Variants in SLC29A4 observed in about 807,000 individuals in gnomAD.
SLC29A4 encodes solute carrier family 29 member 4.
A neutral mutation model predicts 43.9 loss-of-function variants in SLC29A4; 36 were observed. The ratio of observed to expected loss-of-function variants is 0.82; its 90% CI spans 0.63 to 1.08. The LOEUF is 1.08. Among genes scored for constraint, SLC29A4 ranks in the 50% least tolerant of loss-of-function variants. SLC29A4 has a pLI of 0.00. For missense variants in SLC29A4, 869 were observed against 755.3 expected (o/e 1.15, Z -1.77); for synonymous variants, 491 against 338.0 (o/e 1.45, Z -4.97).
intron 1 of SLC29A4, among the ~76,000 whole-genome samples, chr7:5,286,365 A>G (rs1016108993): frequency 6.6e-6 from 1 of 151,996 alleles, no homozygotes; most frequent in Non-Finnish European, 1.5e-5. Context: ...TCTACTAAAA[A>G]TACAAAAATT....
At chr7:5,289,181 G>C (rs967894768) in intron 2 of SLC29A4, among the ~76,000 whole-genome samples, 9 of 152,132 alleles carry the variant, frequency 5.9e-5, no homozygotes, top group African/African-American at 2.2e-4. Flanking sequence ...AGGAACACTT[G>C]AGCCCAGGAG....
chr7:5,300,599 T>C lies in SLC29A4; in HGVS notation c.1387T>C (p.Phe463Leu). The change falls in exon 10 of 11, where the codon TTC becomes CTC. Residue 463 changes from phenylalanine to leucine, a missense_variant. Phe to Leu is a conservative substitution (Grantham distance 22, BLOSUM62 0). Transcript: ENST00000396872. Reference protein sequence around the residue: ...SLLMGISNGYFGSVPMILAAG... With the variant: ...SLLMGISNGYLGSVPMILAAG... ...GCTCATGGGCATCAGCAACGGCTACTTCGGCAGCGTGCCCATGATCCTGGC... is the reference window on the plus strand; with the variant it reads ...GCTCATGGGCATCAGCAACGGCTACCTCGGCAGCGTGCCCATGATCCTGGC... The C allele has an allele frequency of 6.2e-7, 1 of 1,611,006 alleles. No individual in the cohort carries two copies.
At chr7:5,302,194 G>T (rs1786219020) in intron 10 of SLC29A4, among the ~76,000 whole-genome samples, 1 of 152,056 alleles carries the variant, frequency 6.6e-6, no homozygotes, top group East Asian at 1.9e-4. Context: ...CAGGTGATCT[G>T]CCTGCCTCAG....
At chr7:5,293,104 A>G (rs1247950945) in intron 5 of SLC29A4, among the ~76,000 whole-genome samples, 1 of 146,444 alleles carries the variant, frequency 6.8e-6, no homozygotes, top group South Asian at 2.1e-4. Flanking sequence ...CCTGTGTTTC[A>G]TGGTAGTGAC....
chr7:5,286,795 G>T (rs911219144), intron 1 of SLC29A4, among the ~76,000 whole-genome samples: 1 of 152,162 alleles, frequency 6.6e-6, no homozygotes, highest in African/African-American at 2.4e-5. Flanking sequence ...GTTGAGATCT[G>T]GGTTCTCCCA....
At position 5,304,054 on chromosome 7, in the gene SLC29A4, C is replaced by T. The variant is rs1462701046; in HGVS notation, c.*1115C>T. On this transcript the variant is annotated 3_prime_UTR_variant, in exon 11 of 11. Coordinates refer to ENST00000396872, the MANE Select transcript of SLC29A4 (RefSeq NM_153247.4). ...CGGCCATTAAAAGATGAAGGCAGAC[C>T]GCTGCACCGCCGCCTGCAAGCAGAG... The T allele has an allele frequency of 2.6e-5, 4 of 152,372 alleles. No individual in the cohort carries two copies. Among genetic ancestry groups the T allele is most frequent in the Admixed American group, 1.3e-4 (2 of 15,290 alleles). The allele number at this position is 152,372 out of a possible 1,614,324, so 9.4% of individuals were successfully genotyped here.
At chr7:5,300,139 G>A (rs1786034628) in intron 9 of SLC29A4, among the ~76,000 whole-genome samples, 1 of 152,206 alleles carries the variant, frequency 6.6e-6, no homozygotes, top group South Asian at 2.1e-4. Flanking sequence ...GGCTGAGGTG[G>A]GAGGATGGCT....
intron 7 of SLC29A4, among the ~76,000 whole-genome samples, chr7:5,298,487 G>C (rs1785872807): frequency 6.6e-6 from 1 of 152,112 alleles, no homozygotes; most frequent in African/African-American, 2.4e-5. Flanking sequence ...GATGGAATTT[G>C]CTGCATCAGA....
rs767387155 is a variant in SLC29A4 at position 5,299,096 on chromosome 7, A to G, written c.991A>G (p.Arg331Gly). ...CATGCGCTTTGATGTGCCGCGGCCA[A>G]GGGTCCAGCGCAGCTGGCCCACCTT... ...AYMRFDVPRP[R>G]VQRSWPTFRA... Residue 331 changes from arginine (R) to glycine (G), a missense_variant, in exon 8 of 11, where the codon AGG becomes GGG. Transcript: ENST00000396872. 9 of 1,610,484 alleles carry G rather than the reference A, an allele frequency of 5.6e-6. No individual in the cohort carries two copies. The highest frequency in any genetic ancestry group is 2.7e-5 in the African/African-American group (2 of 74,898).
intron 6 of SLC29A4, among the ~76,000 whole-genome samples, chr7:5,295,244 G>GC (rs1785570774): frequency 6.9e-6 from 1 of 145,572 alleles, no homozygotes; most frequent in Non-Finnish European, 1.5e-5. Context: ...TGGTAAGTCT[G>GC]CGTGTGCGCG....
In SLC29A4 at chr7:5,306,154, A is replaced by T. The variant is rs2128094933; in HGVS notation, c.*3215A>T. 6.8e-6 allele frequency: 1 copy of T among 146,574 alleles called. No homozygotes were observed. The highest frequency in any genetic ancestry group is 1.5e-5 in the Non-Finnish European group (1 of 66,812). The allele number at this position is 146,574 out of a possible 1,614,324, so 9.1% of individuals were successfully genotyped here. A position where few individuals can be genotyped will look rare whatever the true frequency, so the allele number is the denominator to read the frequency against. On this transcript the variant is annotated 3_prime_UTR_variant, in exon 11 of 11. Transcript: ENST00000396872. ...GTGAGCCACCGTGCCCATCCAACTT[A>T]ACTTTTAATTTTTTCTCATGTAAAT...
At chr7:5,287,429 AAAAG>A (rs1221804230) in intron 1 of SLC29A4, among the ~76,000 whole-genome samples, 5 of 151,590 alleles carry the variant, frequency 3.3e-5, no homozygotes, top group African/African-American at 9.7e-5. Context: ...AAAAAAAAAA[AAAAG>A]AAAAAAAAGA....
intron 5 of SLC29A4, among the ~76,000 whole-genome samples, chr7:5,292,153 C>T (rs1423309304): frequency 6.6e-6 from 1 of 152,196 alleles, no homozygotes; most frequent in Non-Finnish European, 1.5e-5. Context: ...CTTTGTCACC[C>T]AGGCTAGAGT....
intron 10 of SLC29A4, among the ~76,000 whole-genome samples, chr7:5,301,062 C>T (rs991675391): frequency 6.6e-6 from 1 of 152,086 alleles, no homozygotes; most frequent in Non-Finnish European, 1.5e-5. Context: ...AGTTAAAGAC[C>T]AGCCTGGGCA....
At chr7:5,298,439 T>G (rs1305992389) in intron 7 of SLC29A4, among the ~76,000 whole-genome samples, 1 of 151,970 alleles carries the variant, frequency 6.6e-6, no homozygotes, top group Non-Finnish European at 1.5e-5. Flanking sequence ...TCTGGTTGGT[T>G]TGGTCAGAGG....
In SLC29A4 at chr7:5,302,860, C is replaced by G; in HGVS notation, c.1514C>G (p.Thr505Ser). The change falls in exon 11 of 11, where the codon ACC becomes AGC. Residue 505 changes from threonine to serine, a missense_variant. Physicochemically the swap from Thr to Ser is moderately conservative, Grantham distance 58. Transcript: ENST00000396872. ...LTLGSAVAYC[T>S]YSLTRDAHGS... ...CTGGGGTCCGCCGTGGCCTACTGCA[C>G]CTACAGCCTCACCCGCGACGCTCAC... The G allele has an allele frequency of 6.2e-7, 1 of 1,600,218 alleles. No homozygotes were observed. The highest frequency in any genetic ancestry group is 8.5e-7 in the Non-Finnish European group (1 of 1,173,896).
intron 1 of SLC29A4, among the ~76,000 whole-genome samples, chr7:5,287,082 C>T (rs1785001527): frequency 6.6e-6 from 1 of 152,212 alleles, no homozygotes; most frequent in African/African-American, 2.4e-5. Flanking sequence ...TCCCCTCTGA[C>T]CCCTTCTCCC....
chr7:5,302,521 C>T (rs1284637735), intron 10 of SLC29A4, among the ~76,000 whole-genome samples: 4 of 152,092 alleles, frequency 2.6e-5, no homozygotes, highest in Admixed American at 1.3e-4. Flanking sequence ...CCGGTCTGGG[C>T]AACAGAGCAA....
intron 9 of SLC29A4, 28 bp from the exon 10 acceptor site, chr7:5,300,392 CAG>C: frequency 6.2e-7 from 1 of 1,609,850 alleles, no homozygotes. Context: ...GTGGCCGGGA[CAG>C]GGCGCCCACT....
Sources: gnomAD v4.1 joint callset for allele counts (sites outside exome capture counted in the v4.1 genomes callset) on GRCh38, gnomAD v4.1.1 for gene constraint, MANE v1.5 for transcripts, NCBI Gene and HGNC (gene_info 2026-07-23, HGNC 2026-07-21) for gene names.